Variants in NAALADL2 observed in about 807,000 individuals in gnomAD.
The protein encoded by NAALADL2 is N-acetylated alpha-linked acidic dipeptidase like 2, also known as inactive N-acetylated-alpha-linked acidic dipeptidase-like protein 2.
In NAALADL2, 76 loss-of-function variants were observed where a neutral mutation model predicts 87.2. The ratio of observed to expected loss-of-function variants is 0.87; its 90% CI spans 0.72 to 1.05. The LOEUF is 1.05. Among genes scored for constraint, NAALADL2 ranks in the 50% least tolerant of loss-of-function variants. The pLI, the probability that NAALADL2 is intolerant of heterozygous loss-of-function variation, is 0.00. For synonymous variants in NAALADL2, 354 were observed against 331.0 expected (o/e 1.07, Z -0.75); for missense variants, 1,089 against 945.8 (o/e 1.15, Z -1.99).
intron 9 of NAALADL2, among the ~76,000 whole-genome samples, chr3:175,570,189 TCAGA>T (rs1293775018): frequency 6.6e-6 from 1 of 152,184 alleles, no homozygotes; most frequent in Non-Finnish European, 1.5e-5. Flanking sequence ...TTCAAGGCAG[TCAGA>T]CAGAAGGAGT....
intron 5 of NAALADL2, among the ~76,000 whole-genome samples, chr3:175,391,549 T>A (rs1769072669): frequency 1.3e-5 from 2 of 152,158 alleles, no homozygotes; most frequent in African/African-American, 2.4e-5. Flanking sequence ...TGATAGTTTG[T>A]GAGAAACTGA....
intron 1 of NAALADL2, among the ~76,000 whole-genome samples, chr3:174,968,463 G>A (rs575287695): frequency 3.3e-5 from 5 of 152,092 alleles, no homozygotes; most frequent in South Asian, 2.1e-4. Context: ...AAAGTGACTC[G>A]ATACAGGTTT....
intron 2 of NAALADL2, among the ~76,000 whole-genome samples, chr3:175,225,189 T>A (rs1444224574): frequency 6.6e-6 from 1 of 152,194 alleles, no homozygotes; most frequent in East Asian, 1.9e-4. Context: ...CATCTAAAAA[T>A]TATTTTAAAA....
chr3:175,013,297 A>ATTTTTTTTTT lies in NAALADL2; in HGVS notation c.44-83492_44-83491insTTTTTTTTTT, dbSNP rs1293274493. Among the ~76,000 whole-genome samples the ATTTTTTTTTT allele has an allele frequency of 3.9e-5, 3 of 77,566 alleles. 1 individual carries two copies. Among genetic ancestry groups the ATTTTTTTTTT allele is most frequent in the African/African-American group, 7.4e-5 (1 of 13,446 alleles). The allele number at this position is 77,566 out of a possible 152,430, so 50.9% of individuals were successfully genotyped here. The stretch of plus-strand genomic sequence containing the variant: ...TATATACATATATATATATATATAT[A>ATTTTTTTTTT]TATATTTTTTTTTTTTTTTGAGACA... On this transcript the variant is annotated intron_variant, in intron 1 of 13. Coordinates refer to ENST00000454872, the MANE Select transcript of NAALADL2 (RefSeq NM_207015.3).
intron 2 of NAALADL2, among the ~76,000 whole-genome samples, chr3:174,578,550 G>C (rs1715802680): frequency 6.6e-6 from 1 of 151,892 alleles, no homozygotes; most frequent in Admixed American, 6.6e-5. Context: ...CTGAAAGCAA[G>C]ATATGTTTAC....
chr3:175,310,943 AG>A (rs1310414578), intron 4 of NAALADL2, among the ~76,000 whole-genome samples: 1 of 152,018 alleles, frequency 6.6e-6, no homozygotes, highest in Non-Finnish European at 1.5e-5. Flanking sequence ...GAAAAAAAAA[AG>A]TGCATGCAGT....
At chr3:175,010,679 A>T (rs1749661449) in intron 1 of NAALADL2, among the ~76,000 whole-genome samples, 2 of 152,282 alleles carry the variant, frequency 1.3e-5, no homozygotes, top group African/African-American at 2.4e-5. Context: ...AGTTTTGCTG[A>T]TGAGATCTTC....
chr3:175,707,413 AAAG>A (rs1328322392), intron 11 of NAALADL2, among the ~76,000 whole-genome samples: 6 of 152,132 alleles, frequency 3.9e-5, no homozygotes, highest in African/African-American at 9.7e-5. Flanking sequence ...AGCCATACAA[AAAG>A]AAGGAGTGGG....
intron 2 of NAALADL2, among the ~76,000 whole-genome samples, chr3:175,170,389 A>G (rs1734625443): frequency 6.7e-6 from 1 of 148,906 alleles, no homozygotes; most frequent in Non-Finnish European, 1.5e-5. Context: ...GTTACTTAAC[A>G]AAAATGGAGC....
intron 2 of NAALADL2, among the ~76,000 whole-genome samples, chr3:175,219,031 T>G (rs1742957179): frequency 6.6e-6 from 1 of 152,074 alleles, no homozygotes; most frequent in African/African-American, 2.4e-5. Context: ...ATTTATACAT[T>G]TTATTACTAA....
chr3:175,409,905 AT>A (rs1481945726), intron 5 of NAALADL2, among the ~76,000 whole-genome samples: 1 of 152,068 alleles, frequency 6.6e-6, no homozygotes, highest in Non-Finnish European at 1.5e-5. Flanking sequence ...TAAAAGTAAA[AT>A]TCATCATTCA....
At chr3:174,578,997 A>G (rs759315492) in intron 2 of NAALADL2, among the ~76,000 whole-genome samples, 6 of 152,030 alleles carry the variant, frequency 3.9e-5, no homozygotes, top group Non-Finnish European at 8.8e-5. Flanking sequence ...AAAAATATGC[A>G]CATATAAGTA....
intron 3 of NAALADL2, among the ~76,000 whole-genome samples, chr3:175,243,838 G>T (rs1196634402): frequency 1.3e-5 from 2 of 152,098 alleles, no homozygotes; most frequent in East Asian, 3.9e-4. Flanking sequence ...GGAAGATAAA[G>T]TTACCTTCTC....
At chr3:175,518,216 G>A (rs1732151217) in intron 9 of NAALADL2, among the ~76,000 whole-genome samples, 1 of 152,146 alleles carries the variant, frequency 6.6e-6, no homozygotes, top group Non-Finnish European at 1.5e-5. Flanking sequence ...AATCTTCAGA[G>A]GACTTCCTTA....
At chr3:174,661,693 C>A (rs1725521949) in intron 2 of NAALADL2, among the ~76,000 whole-genome samples, 1 of 152,032 alleles carries the variant, frequency 6.6e-6, no homozygotes, top group South Asian at 2.1e-4. Flanking sequence ...ACATTGTATC[C>A]ATTAAGTAAT....
chr3:174,520,905 A>G (rs1323499474), intron 1 of NAALADL2, among the ~76,000 whole-genome samples: 1 of 152,202 alleles, frequency 6.6e-6, no homozygotes, highest in East Asian at 1.9e-4. Flanking sequence ...GCCAAGAAAC[A>G]TGAAAAAATG....
intron 10 of NAALADL2, among the ~76,000 whole-genome samples, chr3:175,599,273 A>G (rs1722643915): frequency 6.6e-6 from 1 of 152,134 alleles, no homozygotes; most frequent in Admixed American, 6.6e-5. Flanking sequence ...CCATAGTCCC[A>G]ATAAAATTAC....
intron 2 of NAALADL2, among the ~76,000 whole-genome samples, chr3:174,608,379 C>T (rs1372803987): frequency 6.6e-6 from 1 of 151,488 alleles, no homozygotes; most frequent in Non-Finnish European, 1.5e-5. Flanking sequence ...AATCCAGGAG[C>T]TGGTTTTTTG....
chr3:174,999,085 T>A (rs1747894701), intron 1 of NAALADL2, among the ~76,000 whole-genome samples: 1 of 152,168 alleles, frequency 6.6e-6, no homozygotes, highest in Non-Finnish European at 1.5e-5. Flanking sequence ...ATTGATACAT[T>A]TACTACTGGT....
Sources: gnomAD v4.1 joint callset for allele counts (sites outside exome capture counted in the v4.1 genomes callset) on GRCh38, gnomAD v4.1.1 for gene constraint, MANE v1.5 for transcripts, NCBI Gene and HGNC (gene_info 2026-07-23, HGNC 2026-07-21) for gene names.